YLPM1: variants seen among roughly 807,000 people sequenced by gnomAD.
YLPM1 encodes YLP motif-containing protein 1.
Under a neutral mutation model 230.0 loss-of-function variants are expected in YLPM1, and 99 were observed. The ratio of observed to expected loss-of-function variants is 0.43; its 90% confidence interval spans 0.37 to 0.51. The LOEUF (loss-of-function observed/expected upper bound fraction) is 0.51. Among genes scored for constraint, YLPM1 ranks in the 20% least tolerant of loss-of-function variants. The pLI, the probability that YLPM1 is intolerant of heterozygous loss-of-function variation, is 0.00. For synonymous variants in YLPM1, 984 were observed against 942.5 expected, an observed-to-expected ratio of 1.04 and a Z score of -0.81; for missense variants, 2,592 against 2,707.7, an observed-to-expected ratio of 0.96 and a Z score of 0.95.
intron 19 of YLPM1, chr14:74,834,783 AGT>A: frequency 6.4e-6 from 1 of 156,656 alleles, no homozygotes; most frequent in Non-Finnish European, 1.4e-5. Flanking sequence ...GTTGCAGGAA[AGT>A]GTAGTTGGGG....
At chr14:74,806,934 A>G (rs1204161999) in intron 6 of YLPM1, among the ~76,000 whole-genome samples, 1 of 152,154 alleles carries the variant, frequency 6.6e-6, no homozygotes, top group East Asian at 1.9e-4. Flanking sequence ...CAGTTTTTAA[A>G]AAATTTATAA....
chr14:74,770,479 G>C (rs1182355761), intron 1 of YLPM1, among the ~76,000 whole-genome samples: 1 of 151,948 alleles, frequency 6.6e-6, no homozygotes, highest in African/African-American at 2.4e-5. Context: ...CAAAAAATTA[G>C]CTGGGTGTGG....
intron 1 of YLPM1, among the ~76,000 whole-genome samples, chr14:74,768,596 A>G (rs2090938113): frequency 6.6e-6 from 1 of 152,100 alleles, no homozygotes; most frequent in South Asian, 2.1e-4. Flanking sequence ...TAAAGGACTG[A>G]TTTATTTAGT....
intron 1 of YLPM1, among the ~76,000 whole-genome samples, chr14:74,776,088 C>G (rs1017375408): frequency 1.3e-5 from 2 of 152,112 alleles, no homozygotes; most frequent in Non-Finnish European, 2.9e-5. Context: ...ACCTTGTAAC[C>G]ATGGGAAATT....
chr14:74,806,817 T>A (rs1415823142), intron 6 of YLPM1, among the ~76,000 whole-genome samples: 1 of 151,630 alleles, frequency 6.6e-6, no homozygotes, highest in South Asian at 2.1e-4. Flanking sequence ...TTTTTTTTTT[T>A]AAATTAACTC....
chr14:74,816,902 A>G, intron 13 of YLPM1, 29 bp from the exon 14 acceptor site: 1 of 1,531,578 alleles, frequency 6.5e-7, no homozygotes, highest in African/African-American at 1.4e-5. Context: ...TGCTTTTGCT[A>G]ATTCCATATC....
chr14:74,774,159 A>G (rs780723863), intron 1 of YLPM1, among the ~76,000 whole-genome samples: 28 of 152,252 alleles, frequency 1.8e-4, no homozygotes, highest in Non-Finnish European at 4.0e-4. Flanking sequence ...ACTGAATACC[A>G]TAGTTTAGCC....
intron 2 of YLPM1, among the ~76,000 whole-genome samples, chr14:74,779,957 C>T (rs1594813307): frequency 6.6e-6 from 1 of 152,230 alleles, no homozygotes. Flanking sequence ...GTACCTGCCA[C>T]CATGCCTGGC....
At chr14:74,817,925 A>G (rs1056665460) in intron 15 of YLPM1, among the ~76,000 whole-genome samples, 23 of 151,790 alleles carry the variant, frequency 1.5e-4, no homozygotes, top group African/African-American at 5.6e-4. Flanking sequence ...GCATGGTGTC[A>G]TGTGCCTGTG....
At chr14:74,769,276 T>G (rs1434313178) in intron 1 of YLPM1, among the ~76,000 whole-genome samples, 1 of 129,174 alleles carries the variant, frequency 7.7e-6, no homozygotes, top group Non-Finnish European at 1.7e-5. Flanking sequence ...TTTTTTTTTT[T>G]TTTTTTTTTT....
At chr14:74,810,678 C>G (rs2091425583) in intron 9 of YLPM1, among the ~76,000 whole-genome samples, 1 of 151,732 alleles carries the variant, frequency 6.6e-6, no homozygotes, top group Admixed American at 6.6e-5. Context: ...CAGTCATACT[C>G]AGTAGGCAAG....
chr14:74,793,366 C>T (rs1031375128), intron 4 of YLPM1, among the ~76,000 whole-genome samples: 2 of 152,012 alleles, frequency 1.3e-5, no homozygotes. Context: ...TGTTGTACTT[C>T]CTGAGATACT....
chr14:74,809,296 A>G, intron 6 of YLPM1, 84 bp from the exon 7 acceptor site: 3 of 1,481,942 alleles, frequency 2.0e-6, no homozygotes, highest in Non-Finnish European at 2.7e-6. Context: ...TTTCTTATAA[A>G]TTGAGAACCA....
Position 74,778,461 on chromosome 14 carries a change from T to C in YLPM1, c.888T>C (p.Tyr296=). ...STMTPQEQQQ[Y]WYRQHLLSLQ... ...TTCTGTTGTAGGAACAGCAGCAGTA[T>C]TGGTATCGACAGCACTTGCTTAGTT... The change falls in exon 2 of 21, where the codon TAT becomes TAC. Residue 296 remains tyrosine (Y), a synonymous_variant. Transcript: ENST00000325680. The C allele has an allele frequency of 6.2e-7, 1 of 1,603,092 alleles. No individual in the cohort carries two copies. The highest frequency in any genetic ancestry group is 8.5e-7 in the Non-Finnish European group (1 of 1,174,680).
chr14:74,768,488 C>A (rs2090936954), intron 1 of YLPM1, among the ~76,000 whole-genome samples: 1 of 152,178 alleles, frequency 6.6e-6, no homozygotes, highest in South Asian at 2.1e-4. Context: ...CTCAAGTGAT[C>A]CACCTGCTTC....
In YLPM1 at chr14:74,763,332, C is replaced by T; in HGVS notation, c.-158C>T. The T allele has an allele frequency of 1.2e-6, 1 of 860,888 alleles. No homozygotes were observed. The highest frequency in any genetic ancestry group is 1.6e-6 in the Non-Finnish European group (1 of 628,636). The allele number at this position is 860,888 out of a possible 1,614,324, so 53.3% of individuals were successfully genotyped here. A position where few individuals can be genotyped will look rare whatever the true frequency, so the allele number is the denominator to read the frequency against. ...CGTCCCCGCCTTCCCGGTCGCGGGC[C>T]CAGCTCGGGAGCGCCGGCGCACTGG... On this transcript the variant is annotated 5_prime_UTR_variant, in exon 1 of 21. Coordinates refer to ENST00000325680, the MANE Select transcript of YLPM1 (RefSeq NM_019589.3).
In YLPM1 at chr14:74,763,727, C is replaced by G; in HGVS notation, c.238C>G (p.His80Asp). 1 of 1,520,086 alleles carries G rather than the reference C, an allele frequency of 6.6e-7. No homozygotes were observed. Among genetic ancestry groups the G allele is most frequent in the Non-Finnish European group, 8.8e-7 (1 of 1,132,710 alleles). 94.2% of individuals were successfully genotyped at this position (1,520,086 alleles called of 1,614,324 possible). The change falls in exon 1 of 21, where the codon CAC becomes GAC. Residue 80 changes from histidine (H) to aspartate (D), a missense_variant. By Grantham distance (81) the His-to-Asp change is moderately conservative (BLOSUM62 -1). Transcript: ENST00000325680. ...AATGCAGTGCGTGCTTCAGCCCCAC[C>G]ACCTTCCTCCGCCCCCTCTGCCGCC... ...KQMQCVLQPHHLPPPPLPPPP... is the reference protein window; with the variant it reads ...KQMQCVLQPHDLPPPPLPPPP...
chr14:74,820,386 C>A (rs1383337881), intron 16 of YLPM1, among the ~76,000 whole-genome samples: 1 of 152,150 alleles, frequency 6.6e-6, no homozygotes, highest in African/African-American at 2.4e-5. Flanking sequence ...GTAGCTGAGA[C>A]TACAGGCGCA....
intron 9 of YLPM1, 21 bp from the exon 10 acceptor site, chr14:74,811,599 G>A (rs8022046): frequency 0.69 from 1,082,638 of 1,560,692 alleles, 376,979 homozygotes; most frequent in Admixed American, 0.78. Context: ...TTGCTGAAGC[G>A]CTTCCTATTA....
Sources: allele counts gnomAD v4.1 joint callset (sites outside exome capture counted in the v4.1 genomes callset), GRCh38; gene constraint gnomAD v4.1.1; transcripts MANE v1.5; gene names NCBI Gene and HGNC (gene_info 2026-07-23, HGNC 2026-07-21).